The following AMZ2 variants were observed in gnomAD, a reference collection of about 807,000 sequenced individuals.
AMZ2 encodes archaelysin family metallopeptidase 2.
Under a neutral mutation model 36.7 loss-of-function variants are expected in AMZ2, and 26 were observed. The observed-to-expected ratio is 0.71, with a 90% CI of 0.52 to 0.98. The LOEUF is 0.98. Ranked by LOEUF, AMZ2 falls within the 50% of genes least tolerant of loss-of-function variation. AMZ2 has a pLI of 0.00. For missense variants in AMZ2, 394 were observed against 430.5 expected (o/e 0.92, Z 0.75); for synonymous variants, 144 against 149.1 (o/e 0.97, Z 0.25).
At chr17:68,230,502 A>G (rs1434057006) in intron 1 of AMZ2, among the ~76,000 whole-genome samples, 3 of 152,206 alleles carry the variant, frequency 2.0e-5, no homozygotes, top group African/African-American at 7.2e-5. Context: ...GGAGTGATCT[A>G]TAGAGGGCAT....
chr17:68,221,132 G>T (rs1279167246), intron 1 of AMZ2, among the ~76,000 whole-genome samples: 6 of 150,694 alleles, frequency 4.0e-5, no homozygotes, highest in African/African-American at 1.5e-4. Flanking sequence ...ACCCAGGGTG[G>T]AGTGCAGAAG....
chr17:68,234,377 G>A (rs544977851), intron 1 of AMZ2, among the ~76,000 whole-genome samples: 4 of 151,914 alleles, frequency 2.6e-5, no homozygotes, highest in Non-Finnish European at 5.9e-5. Flanking sequence ...GAGCCCAGGA[G>A]GTCAAGGCTG....
chr17:68,232,279 TG>T (rs2073684341), intron 1 of AMZ2, among the ~76,000 whole-genome samples: 1 of 151,992 alleles, frequency 6.6e-6, no homozygotes, highest in Non-Finnish European at 1.5e-5. Context: ...GGAGGATCAC[TG>T]GAGCCCAGGA....
Position 68,255,822 on chromosome 17 carries a change from C to G in AMZ2, c.873C>G (p.Ile291Met), listed in dbSNP as rs1555742600. Reference protein sequence around the residue: ...ADRRPLNLCPICLHKLQCAVG... With the variant: ...ADRRPLNLCPMCLHKLQCAVG... Reference sequence around the variant, plus strand: ...GGCGCCCTCTAAACCTTTGCCCTATCTGTTTGCACAAGTTGCAGTGTGCTG... The same window carrying G: ...GGCGCCCTCTAAACCTTTGCCCTATGTGTTTGCACAAGTTGCAGTGTGCTG... Residue 291 changes from isoleucine (I) to methionine (M), a missense_variant, in exon 6 of 7, where the codon ATC (isoleucine) becomes ATG (methionine). Transcript: ENST00000359904. 6.2e-7 allele frequency: 1 copy of G among 1,614,034 alleles called. No homozygotes were observed. Among genetic ancestry groups the G allele is most frequent in the Non-Finnish European group, 8.5e-7 (1 of 1,180,042 alleles).
At chr17:68,253,933 C>T (rs1260283253) in intron 4 of AMZ2, among the ~76,000 whole-genome samples, 1 of 151,896 alleles carries the variant, frequency 6.6e-6, no homozygotes, top group Non-Finnish European at 1.5e-5. Flanking sequence ...TTTTTAGAGA[C>T]AGGGTTTCAC....
chr17:68,245,383 A>G (rs1464019479), upstream of AMZ2, among the ~76,000 whole-genome samples: 1 of 149,502 alleles, frequency 6.7e-6, no homozygotes, highest in Non-Finnish European at 1.5e-5. Flanking sequence ...GACTACAGGC[A>G]TGTGTCACTA....
chr17:68,218,928 G>T (rs1480630223), intron 1 of AMZ2, among the ~76,000 whole-genome samples: 1 of 152,030 alleles, frequency 6.6e-6, no homozygotes, highest in East Asian at 1.9e-4. Flanking sequence ...GTGTCATCTC[G>T]ATTAGACTAG....
chr17:68,250,818 T>C lies in AMZ2; in HGVS notation c.308T>C (p.Ile103Thr). Residue 103 changes from isoleucine (I) to threonine (T), a missense_variant, in exon 3 of 7, where the codon ATC becomes ACC. Coordinates refer to ENST00000359904, the MANE Select transcript of AMZ2 (RefSeq NM_016627.5). ...SIGSLGNTRI[I>T]SEEYIKWLTG... ...GGCTCTCTAGGAAACACCAGAATTA[T>C]CAGTGAAGAATATATTAAATGGCTC... 6.3e-7 allele frequency: 1 copy of C among 1,582,004 alleles called. No individual in the cohort carries two copies. Among genetic ancestry groups the C allele is most frequent in the Non-Finnish European group, 8.5e-7 (1 of 1,171,416 alleles).
chr17:68,219,179 C>A (rs1294415419), intron 1 of AMZ2, among the ~76,000 whole-genome samples: 3 of 152,162 alleles, frequency 2.0e-5, no homozygotes, highest in Non-Finnish European at 2.9e-5. Context: ...GTTGGCCAGG[C>A]TGGTCTTGAA....
At chr17:68,207,172 A>C (rs1461627836) in intron 1 of AMZ2, 24 of 152,188 alleles carry the variant, frequency 1.6e-4, no homozygotes, top group African/African-American at 5.1e-4. Flanking sequence ...GATTTATTAC[A>C]CAACGACTTT....
chr17:68,228,565 G>A (rs557727266), intron 1 of AMZ2, among the ~76,000 whole-genome samples: 128 of 152,200 alleles, frequency 8.4e-4, no homozygotes, highest in African/African-American at 2.3e-3. Flanking sequence ...GCCTTCTCCA[G>A]CCAGCCACTC....
chr17:68,240,605 C>T lies in AMZ2; in HGVS notation c.-66-8035C>T, dbSNP rs533724751. On this transcript the variant is annotated intron_variant, in intron 1 of 7. Transcript: ENST00000674770. Reference sequence around the variant, plus strand: ...AATGAAAGGATAAGAGTCTCAGTATCGAAGCGCCTGCTAAGTGAGCCACAA... The same window carrying T: ...AATGAAAGGATAAGAGTCTCAGTATTGAAGCGCCTGCTAAGTGAGCCACAA... Among the ~76,000 whole-genome samples the T allele has an allele frequency of 2.6e-4, 40 of 152,220 alleles. 1 individual carries two copies. Among genetic ancestry groups the T allele is most frequent in the Admixed American group, 1.6e-3 (24 of 15,282 alleles).
At chr17:68,232,120 TAAA>T (rs34203351) in intron 1 of AMZ2, among the ~76,000 whole-genome samples, 3 of 100,346 alleles carry the variant, frequency 3.0e-5, no homozygotes, top group African/African-American at 3.6e-5. Flanking sequence ...CTGAAGTTTG[TAAA>T]AAAAAAAAAA....
At chr17:68,242,703 G>A (rs1463647976) in intron 1 of AMZ2, among the ~76,000 whole-genome samples, 6 of 152,076 alleles carry the variant, frequency 3.9e-5, no homozygotes, top group East Asian at 1.9e-4. Context: ...ATGAGCCACC[G>A]TGCCCAACCA....
chr17:68,219,225 A>G (rs1393702495), intron 1 of AMZ2, among the ~76,000 whole-genome samples: 1 of 152,104 alleles, frequency 6.6e-6, no homozygotes, highest in Non-Finnish European at 1.5e-5. Context: ...TCAGCCTCCC[A>G]AAGTGCTGAG....
In AMZ2 at chr17:68,217,496, G is replaced by A. The variant is rs71387384; in HGVS notation, c.-67+11258G>A. On this transcript the variant is annotated intron_variant, in intron 1 of 7. Coordinates refer to the AMZ2 transcript ENST00000674770. ...TGAGTATTTTTCTATGTAAAGTCAA[G>A]TAGGAAACTTTAAACATAGTGATAA... 3.4e-3 allele frequency among the ~76,000 whole-genome samples: 519 copies of A among 152,286 alleles called. 6 individuals are homozygous for A. The highest frequency in any genetic ancestry group is 5.2e-3 in the Non-Finnish European group (351 of 68,018).
intron 5 of AMZ2, 87 bp from the exon 6 acceptor site, chr17:68,255,613 A>T: frequency 7.2e-6 from 10 of 1,391,672 alleles, no homozygotes; most frequent in Non-Finnish European, 9.9e-6. Context: ...GTTGATTCCT[A>T]TGTTTCTTGG....
intron 1 of AMZ2, among the ~76,000 whole-genome samples, chr17:68,210,153 C>T (rs1555725569): frequency 6.6e-6 from 1 of 152,124 alleles, no homozygotes; most frequent in African/African-American, 2.4e-5. Flanking sequence ...AAACTTAGAG[C>T]TACTATATGA....
intron 1 of AMZ2, among the ~76,000 whole-genome samples, chr17:68,225,217 C>T (rs2073484310): frequency 6.6e-6 from 1 of 151,932 alleles, no homozygotes; most frequent in African/African-American, 2.4e-5. Flanking sequence ...AACTGGAAAC[C>T]AGTGTGTGAA....
Sources: allele counts gnomAD v4.1 joint callset (sites outside exome capture counted in the v4.1 genomes callset), GRCh38; gene constraint gnomAD v4.1.1; transcripts MANE v1.5; gene names NCBI Gene and HGNC (gene_info 2026-07-23, HGNC 2026-07-21).